CD55: variants seen among roughly 807,000 people sequenced by gnomAD.
CD55 encodes complement decay-accelerating factor.
In CD55, 41 loss-of-function variants were observed where a neutral mutation model predicts 45.8. The observed-to-expected ratio is 0.90, with a 90% CI of 0.70 to 1.16. The LOEUF is 1.16. CD55 is among the 50% of genes most tolerant of loss of function. The pLI is 0.00. For synonymous variants in CD55, 181 were observed against 181.1 expected, an observed-to-expected ratio of 1.00 and a Z score of 0.01; for missense variants, 416 against 469.8, an observed-to-expected ratio of 0.89 and a Z score of 1.06.
In CD55 at chr1:207,354,270, T is replaced by C. The variant is rs563858335; in HGVS notation, c.1082-5276T>C. The C allele has an allele frequency of 1.1e-5, 11 of 982,836 alleles. No homozygotes were observed. The East Asian group carries it at 1.2e-3, about 112-fold the overall frequency. The allele number at this position is 982,836 out of a possible 1,614,324, so 60.9% of individuals were successfully genotyped here. Reference sequence around the variant, plus strand: ...GAATCTGGGGCTAGAAGTGAGTTTTTCTATGGCAATAAACTGACTTACCCT... The same window carrying C: ...GAATCTGGGGCTAGAAGTGAGTTTTCCTATGGCAATAAACTGACTTACCCT... On this transcript the variant is annotated intron_variant, in intron 9 of 9. Transcript: ENST00000367064.
intron 4 of CD55, 126 bp downstream of exon 4, chr1:207,325,847 A>C: frequency 1.9e-6 from 1 of 522,938 alleles, no homozygotes; most frequent in Non-Finnish European, 3.4e-6. Flanking sequence ...CCCTCTCCTC[A>C]AAGACCCTTC....
At chr1:207,335,670 G>T (rs1385970357) in intron 6 of CD55, among the ~76,000 whole-genome samples, 3 of 152,046 alleles carry the variant, frequency 2.0e-5, no homozygotes, top group African/African-American at 7.2e-5. Context: ...GCTGTTACCT[G>T]CTAGGCGTTT....
At chr1:207,347,862 T>A (rs942377894) in intron 9 of CD55, among the ~76,000 whole-genome samples, 5 of 152,236 alleles carry the variant, frequency 3.3e-5, no homozygotes, top group African/African-American at 4.8e-5. Flanking sequence ...ATTAATTCAC[T>A]TAGGATAATG....
intron 5 of CD55, among the ~76,000 whole-genome samples, chr1:207,328,532 T>A (rs1341418370): frequency 4.6e-5 from 7 of 152,238 alleles, no homozygotes; most frequent in African/African-American, 1.7e-4. Flanking sequence ...ACTAATTGTC[T>A]ATAGTTATAC....
At chr1:207,351,037 T>C (rs28815602) in intron 9 of CD55, among the ~76,000 whole-genome samples, 1 of 152,210 alleles carries the variant, frequency 6.6e-6, no homozygotes, top group Non-Finnish European at 1.5e-5. Context: ...CCAGACACTC[T>C]GGTATGTTGT....
At chr1:207,329,977 C>T (rs1358257736) in intron 5 of CD55, among the ~76,000 whole-genome samples, 2 of 152,174 alleles carry the variant, frequency 1.3e-5, no homozygotes, top group African/African-American at 4.8e-5. Context: ...CAGAAAGATT[C>T]CCAGGCTGGC....
At chr1:207,326,365 C>T (rs889562457) in intron 4 of CD55, among the ~76,000 whole-genome samples, 1 of 152,178 alleles carries the variant, frequency 6.6e-6, no homozygotes, top group African/African-American at 2.4e-5. Flanking sequence ...TTGGTTAGGT[C>T]ATGAACACAA....
intron 9 of CD55, among the ~76,000 whole-genome samples, chr1:207,342,068 T>A (rs922339751): frequency 1.3e-5 from 2 of 152,178 alleles, no homozygotes; most frequent in African/African-American, 4.8e-5. Context: ...AGAAATGTTA[T>A]TGATTTTTGT....
At chr1:207,324,827 GAACTCTA>G (rs973616220) in intron 3 of CD55, 77 bp downstream of exon 3, 1 of 827,254 alleles carries the variant, frequency 1.2e-6, no homozygotes, top group Admixed American at 2.3e-5. Flanking sequence ...ATTCATGCTA[GAACTCTA>G]TGTGTATATA....
intron 4 of CD55, 89 bp from the exon 5 acceptor site, chr1:207,326,663 A>T (rs28562269): frequency 1.1e-6 from 1 of 938,104 alleles, no homozygotes; most frequent in East Asian, 2.4e-5. Flanking sequence ...TTGTGTAGTA[A>T]ATATTTTAAG....
At position 207,321,710 on chromosome 1, in the gene CD55, G is replaced by A. The variant is rs988141460; in HGVS notation, c.-56G>A. On this transcript the variant is annotated 5_prime_UTR_variant, in exon 1 of 10. Coordinates refer to ENST00000367064, the MANE Select transcript of CD55 (RefSeq NM_000574.5). The stretch of plus-strand genomic sequence containing the variant: ...CTGCAACTCGCTCCGGCCGCTGGGC[G>A]TAGCTGCGACTCGGCGGAGTCCCGG... 9 of 1,317,202 alleles carry A rather than the reference G, an allele frequency of 6.8e-6. No individual in the cohort carries two copies. The Admixed American group carries it at 1.3e-4, about 18-fold the overall frequency. 81.6% of individuals were successfully genotyped at this position (1,317,202 alleles called of 1,614,324 possible). A position where few individuals can be genotyped will look rare whatever the true frequency, so the allele number is the denominator to read the frequency against.
chr1:207,326,550 T>C (rs1313116812), intron 4 of CD55, among the ~76,000 whole-genome samples: 1 of 152,248 alleles, frequency 6.6e-6, no homozygotes, highest in East Asian at 1.9e-4. Flanking sequence ...GTACATGTCT[T>C]ATCTGTTTTT....
chr1:207,323,268 G>T (rs921893378), intron 2 of CD55, among the ~76,000 whole-genome samples: 7 of 150,810 alleles, frequency 4.6e-5, no homozygotes, highest in Non-Finnish European at 1.5e-5. Flanking sequence ...TATATATATA[G>T]GGAGATATAT....
At chr1:207,321,991 G>A (rs1238507524) in intron 1 of CD55, 126 bp downstream of exon 1, 2 of 648,074 alleles carry the variant, frequency 3.1e-6, no homozygotes, top group Non-Finnish European at 5.2e-6. Context: ...CGTGGTTCCC[G>A]CCGTCCTGTG....
rs780622604 is a variant in CD55, at chr1:207,322,472, A to C, written c.191A>C (p.Lys64Thr). 2.5e-6 allele frequency: 4 copies of C among 1,614,228 alleles called. No homozygotes were observed. The highest frequency in any genetic ancestry group is 2.2e-5 in the South Asian group (2 of 91,088). The change falls in exon 2 of 10, where the codon AAA becomes ACA. Residue 64 changes from lysine to threonine, a missense_variant. Coordinates refer to ENST00000367064, the MANE Select transcript of CD55 (RefSeq NM_000574.5). ...CCCGAGGATACTGTAATAACGTACA[A>C]ATGTGAAGAAAGCTTTGTGAAAATT... ...SFPEDTVITY[K>T]CEESFVKIPG...
chr1:207,345,840 A>G (rs1655610659), intron 9 of CD55, among the ~76,000 whole-genome samples: 1 of 152,168 alleles, frequency 6.6e-6, no homozygotes. Context: ...TTTCAGCTGT[A>G]AATATCATCA....
chr1:207,354,507 G>A (rs535427854), intron 9 of CD55, among the ~76,000 whole-genome samples: 1 of 152,218 alleles, frequency 6.6e-6, no homozygotes, highest in African/African-American at 2.4e-5. Context: ...CTTTTGTGGG[G>A]GAGAAAACCT....
At position 207,336,759 on chromosome 1, in the gene CD55, C is replaced by T. The variant is rs1655191247; in HGVS notation, c.920C>T (p.Thr307Ile). Residue 307 changes from threonine (T) to isoleucine (I), a missense_variant, in exon 7 of 10, where the codon ACA (threonine) becomes ATA (isoleucine). Physicochemically the swap from Thr to Ile is moderately conservative, Grantham distance 89 (BLOSUM62 -1). Transcript: ENST00000367064. ...CCTACCACAGTAAATGTTCCAACTACAGAAGTCTCACCAACTTCTCAGAAA... is the reference window on the plus strand; with the variant it reads ...CCTACCACAGTAAATGTTCCAACTATAGAAGTCTCACCAACTTCTCAGAAA... The part of the protein sequence containing the change: ...QKPTTVNVPT[T>I]EVSPTSQKTT... The T allele has an allele frequency of 3.1e-6, 5 of 1,613,698 alleles. No individual in the cohort carries two copies. The highest frequency in any genetic ancestry group is 4.2e-6 in the Non-Finnish European group (5 of 1,179,628).
chr1:207,339,389 G>T lies in CD55; in HGVS notation c.1061-8G>T. ...GTTGTTAATCCTTTTTTTCCCCTTCGTCTGTAGGTACTACCCGTCTTCTAT... is the reference window on the plus strand; with the variant it reads ...GTTGTTAATCCTTTTTTTCCCCTTCTTCTGTAGGTACTACCCGTCTTCTAT... On this transcript the variant is annotated splice_polypyrimidine_tract_variant and splice_region_variant and intron_variant, in intron 8 of 9. Coordinates refer to ENST00000367064, the MANE Select transcript of CD55 (RefSeq NM_000574.5). 1.3e-6 allele frequency: 2 copies of T among 1,597,474 alleles called. No homozygotes were observed.
Sources: gnomAD v4.1 joint callset for allele counts (sites outside exome capture counted in the v4.1 genomes callset) on GRCh38, gnomAD v4.1.1 for gene constraint, MANE v1.5 for transcripts, NCBI Gene and HGNC (gene_info 2026-07-23, HGNC 2026-07-21) for gene names.